Variants in PKD1L1 observed in about 807,000 individuals in gnomAD.
The protein encoded by PKD1L1 is polycystin-1-like protein 1.
In PKD1L1, 236 loss-of-function variants were observed where a neutral mutation model predicts 323.4. The ratio of observed to expected loss-of-function variants is 0.73; its 90% CI spans 0.66 to 0.81. The LOEUF (loss-of-function observed/expected upper bound fraction) is 0.81. Ranked by LOEUF, PKD1L1 falls within the 40% of genes least tolerant of loss-of-function variation. The pLI, the probability that PKD1L1 is intolerant of heterozygous loss-of-function variation, is 0.00. For missense variants in PKD1L1, 3,320 were observed against 3,508.0 expected (o/e 0.95, Z 1.35); for synonymous variants, 1,344 against 1,335.0 (o/e 1.01, Z -0.15).
intron 17 of PKD1L1, among the ~76,000 whole-genome samples, chr7:47,887,704 G>A (rs1479010152): frequency 4.6e-5 from 7 of 152,186 alleles, no homozygotes. Context: ...CTTCTGAACT[G>A]TGGCTTTAGC....
chr7:47,864,031 G>A (rs1005636266), intron 26 of PKD1L1, among the ~76,000 whole-genome samples: 2 of 152,162 alleles, frequency 1.3e-5, no homozygotes, highest in African/African-American at 2.4e-5. Context: ...CTAAGCATGT[G>A]CAGGATCATT....
rs1787956335 is a variant in PKD1L1 at position 47,940,244 on chromosome 7, C to A, written c.234G>T (p.Lys78Asn). The A allele has an allele frequency of 1.9e-6, 3 of 1,614,136 alleles. No individual in the cohort carries two copies. The East Asian group carries it at 6.7e-5, about 36-fold the overall frequency. The stretch of plus-strand genomic sequence containing the variant: ...GGCTCTGTGATTCCCGGTCTTCTGC[C>A]TTTCCATTCAGAGCACACCAAGGAC... ...CGCPWCALNG[K>N]AEDRESQSPS... Residue 78 changes from lysine to asparagine, a missense_variant, in exon 3 of 57, where the codon AAG (lysine) becomes AAT (asparagine). Physicochemically the swap from Lys to Asn is moderately conservative, Grantham distance 94 (BLOSUM62 0). Transcript: ENST00000289672.
intron 7 of PKD1L1, among the ~76,000 whole-genome samples, chr7:47,921,174 C>T (rs1787527508): frequency 8.4e-6 from 1 of 118,946 alleles, no homozygotes; most frequent in African/African-American, 3.3e-5. Context: ...CCAGTATCTA[C>T]AATGAATTCA....
intron 31 of PKD1L1, 133 bp downstream of exon 31, chr7:47,852,994 T>C (rs1156816624): frequency 2.9e-6 from 2 of 687,286 alleles, no homozygotes; most frequent in Non-Finnish European, 5.1e-6. Flanking sequence ...GCAGTTTGTT[T>C]ATAAGCAAGC....
Position 47,792,655 on chromosome 7 carries a change from ACTAAGGGACTCTCTT to A in PKD1L1, c.8483_8497del (p.Glu2828_Leu2832del). On this transcript the variant is annotated inframe_deletion, in exon 56 of 57. Transcript: ENST00000289672. ...AGCAGCTTGGTAACTAGAAATGTCC[ACTAAGGGACTCTCTT>A]CTGTCCTTGCCTCCCCTGTGTTGTT... The A allele has an allele frequency of 2.5e-6, 4 of 1,613,966 alleles. No homozygotes were observed. The highest frequency in any genetic ancestry group is 3.4e-6 in the Non-Finnish European group (4 of 1,179,888).
chr7:47,884,438 G>T (rs1017856554), intron 19 of PKD1L1, among the ~76,000 whole-genome samples, 160 bp downstream of exon 19: 6 of 152,110 alleles, frequency 3.9e-5, no homozygotes, highest in African/African-American at 1.4e-4. Flanking sequence ...TAGAAATAAA[G>T]GTTTGGTTCA....
At chr7:47,960,399 AAAAAAGAAAAAAAAAG>A in the PKD1L1 span, among the ~76,000 whole-genome samples, 1 of 44,768 alleles carries the variant, frequency 2.2e-5, no homozygotes, top group Non-Finnish European at 6.1e-5. Flanking sequence ...AAAAAACTGT[AAAAAAGAAAAAAAAAG>A]AGCTCCATAT....
In PKD1L1 at chr7:47,857,632, T is replaced by TG; in HGVS notation, c.4562dup (p.Tyr1522IlefsTer48). On this transcript the variant is annotated frameshift_variant, in exon 28 of 57. Transcript: ENST00000289672. LOFTEE classifies it high-confidence loss of function. Reference sequence around the variant, plus strand: ...GCCCAGGAGCTTGGCTCCCTGGATATGGGTTCTTCTTGAAGAGTATGAGCT... The same window carrying TG: ...GCCCAGGAGCTTGGCTCCCTGGATATGGGGTTCTTCTTGAAGAGTATGAGCT... 5 of 1,614,218 alleles carry TG rather than the reference T, an allele frequency of 3.1e-6. No homozygotes were observed. The highest frequency in any genetic ancestry group is 4.2e-6 in the Non-Finnish European group (5 of 1,180,044).
intron 24 of PKD1L1, among the ~76,000 whole-genome samples, chr7:47,871,843 G>A (rs1267292060): frequency 1.3e-5 from 2 of 152,114 alleles, no homozygotes; most frequent in East Asian, 1.9e-4. Context: ...AAGACTGAAT[G>A]CTTCCTCCTT....
intron 7 of PKD1L1, among the ~76,000 whole-genome samples, chr7:47,918,252 T>C (rs1272341623): frequency 1.3e-5 from 2 of 152,154 alleles, no homozygotes; most frequent in East Asian, 1.9e-4. Flanking sequence ...GAACATTATA[T>C]AATGATAAAA....
intron 14 of PKD1L1, among the ~76,000 whole-genome samples, chr7:47,895,859 G>A (rs1003309104): frequency 5.9e-5 from 9 of 152,142 alleles, no homozygotes; most frequent in Admixed American, 1.3e-4. Context: ...ATGTTTGGTG[G>A]TTGTAGAGTT....
intron 31 of PKD1L1, among the ~76,000 whole-genome samples, chr7:47,848,025 C>A (rs1250873833): frequency 6.6e-6 from 1 of 152,104 alleles, no homozygotes; most frequent in Non-Finnish European, 1.5e-5. Context: ...CAACTTAATT[C>A]ATATAAAATG....
At chr7:47,924,925 A>G (rs1321335596) in intron 7 of PKD1L1, among the ~76,000 whole-genome samples, 1 of 152,216 alleles carries the variant, frequency 6.6e-6, no homozygotes, top group Non-Finnish European at 1.5e-5. Flanking sequence ...AGAGAAAGAA[A>G]CTGGAGAGGT....
Position 47,890,722 on chromosome 7 carries a change from G to T in PKD1L1, c.2495C>A (p.Pro832His). ...GTGTGCAGTGGAGGAGTCGAAGCAG[G>T]GATGTGCTGGGGAGCCAGCGGTGGC... is the stretch of plus-strand genomic sequence containing the variant. ...ECATAGSPAH[P>H]CFDSSTAHQL... Residue 832 changes from proline (P) to histidine (H), a missense_variant, in exon 16 of 57, where the codon CCC (proline) becomes CAC (histidine). By Grantham distance (77) the Pro-to-His change is moderately conservative (BLOSUM62 -2). Coordinates refer to ENST00000289672, the MANE Select transcript of PKD1L1 (RefSeq NM_138295.5). 1.9e-6 allele frequency: 3 copies of T among 1,613,126 alleles called. No homozygotes were observed. The highest frequency in any genetic ancestry group is 2.5e-6 in the Non-Finnish European group (3 of 1,180,028).
rs189642100 is a variant in PKD1L1, at chr7:47,846,115, T to C, written c.5153+764A>G. 5.0e-3 allele frequency among the ~76,000 whole-genome samples: 758 copies of C among 152,362 alleles called. 3 individuals carry two copies. The highest frequency in any genetic ancestry group is 5.0e-3 in the Non-Finnish European group (342 of 68,034). ...TGAATTGCACTGCTACGGTATGATCTGGATATATTTGCCTCCTAGCAGGAA... is the reference window on the plus strand; with the variant it reads ...TGAATTGCACTGCTACGGTATGATCCGGATATATTTGCCTCCTAGCAGGAA... On this transcript the variant is annotated intron_variant, in intron 32 of 56. Coordinates refer to ENST00000289672, the MANE Select transcript of PKD1L1 (RefSeq NM_138295.5).
chr7:47,892,588 TACCTAATGGGTAC>T, intron 15 of PKD1L1, among the ~76,000 whole-genome samples: 1 of 152,274 alleles, frequency 6.6e-6, no homozygotes. Context: ...GATGAGAAAT[TACCTAATGGGTAC>T]AATGTACAGC....
In PKD1L1 at chr7:47,834,325, A is replaced by G; in HGVS notation, c.6174+14T>C. ...TGCTAGAAGATTAGCTGCTGCGCAT[A>G]ATGATTGATTTACCTTGCGTGGCTC... On this transcript the variant is annotated intron_variant, in intron 40 of 56. Transcript: ENST00000289672. 4 of 1,611,614 alleles carry G rather than the reference A, an allele frequency of 2.5e-6. No homozygotes were observed. Among genetic ancestry groups the G allele is most frequent in the Non-Finnish European group, 2.5e-6 (3 of 1,177,914 alleles).
intron 3 of PKD1L1, among the ~76,000 whole-genome samples, chr7:47,939,485 T>C (rs953958906): frequency 9.9e-5 from 15 of 152,134 alleles, no homozygotes; most frequent in Non-Finnish European, 1.8e-4. Context: ...CATGTCTCAC[T>C]CAGAAGTTTT....
At chr7:47,871,182 T>C (rs1786274391) in intron 24 of PKD1L1, among the ~76,000 whole-genome samples, 1 of 152,042 alleles carries the variant, frequency 6.6e-6, no homozygotes, top group African/African-American at 2.4e-5. Flanking sequence ...CATGACCAAA[T>C]GGAATTTATT....
Sources: gnomAD v4.1 joint callset for allele counts (sites outside exome capture counted in the v4.1 genomes callset) on GRCh38, gnomAD v4.1.1 for gene constraint, MANE v1.5 for transcripts, NCBI Gene and HGNC (gene_info 2026-07-23, HGNC 2026-07-21) for gene names.